PTPRR: variants seen among roughly 807,000 people sequenced by gnomAD.
The protein encoded by PTPRR is receptor-type tyrosine-protein phosphatase R.
PTPRR carries 38 observed loss-of-function variants against 77.2 expected under a neutral mutation model. The observed-to-expected ratio is 0.49, with a 90% CI of 0.38 to 0.65. PTPRR has a LOEUF of 0.65. PTPRR is among the 30% of genes least tolerant of loss of function. The pLI is 0.00. For missense variants in PTPRR, 744 were observed against 799.2 expected (o/e 0.93, Z 0.83); for synonymous variants, 299 against 283.1 (o/e 1.06, Z -0.57).
intron 2 of PTPRR, among the ~76,000 whole-genome samples, chr12:70,809,830 A>G (rs1891778311): frequency 6.6e-6 from 1 of 152,180 alleles, no homozygotes. Flanking sequence ...CACTAAATAA[A>G]CATTATGTAA....
Position 70,746,083 on chromosome 12 carries a change from G to T in PTPRR, c.742C>A (p.Leu248Ile), listed in dbSNP as rs779525997. The T allele has an allele frequency of 1.9e-6, 3 of 1,609,094 alleles. No homozygotes were observed. The highest frequency in any genetic ancestry group is 1.1e-5 in the South Asian group (1 of 90,662). Residue 248 changes from leucine (L) to isoleucine (I), a missense_variant, in exon 6 of 14, where the codon CTT becomes ATT. Physicochemically the swap from Leu to Ile is conservative, Grantham distance 5 (BLOSUM62 2). Around this residue, in one of 3 missense-constraint regions of PTPRR, gnomAD observed 570 missense variants for 573.2 expected, o/e 0.99. Coordinates refer to ENST00000283228, the MANE Select transcript of PTPRR (RefSeq NM_002849.4). The stretch of plus-strand genomic sequence containing the variant: ...TGAAATCTTTCTTTTAATCTGTAAA[G>T]AATCTATAGAAGGAGATATAAAAAA... The part of the protein sequence containing the change: ...FVIIVTCLMI[L>I]YRLKERFQLS...
At chr12:70,789,737 G>A (rs895168878) in intron 2 of PTPRR, among the ~76,000 whole-genome samples, 2 of 152,046 alleles carry the variant, frequency 1.3e-5, no homozygotes, top group African/African-American at 4.8e-5. Context: ...ATGAATTATG[G>A]ACTCAAGTTA....
At chr12:70,919,376 A>C (rs75677358) in intron 1 of PTPRR, among the ~76,000 whole-genome samples, 1 of 152,138 alleles carries the variant, frequency 6.6e-6, no homozygotes, top group African/African-American at 2.4e-5. Context: ...GGTTTCTAAA[A>C]TCTCCCTGCC....
chr12:70,754,448 A>G, intron 4 of PTPRR, 147 bp from the exon 5 acceptor site: 8 of 1,566,060 alleles, frequency 5.1e-6, no homozygotes, highest in Non-Finnish European at 6.9e-6. Context: ...TGCTTCTCAA[A>G]CTGATCTAAG....
At chr12:70,899,148 G>T (rs1185478289) in intron 1 of PTPRR, among the ~76,000 whole-genome samples, 1 of 151,194 alleles carries the variant, frequency 6.6e-6, no homozygotes, top group Non-Finnish European at 1.5e-5. Context: ...AACACTTAAA[G>T]AAAAAATAAC....
At chr12:70,865,482 A>C (rs1892827939) in intron 2 of PTPRR, among the ~76,000 whole-genome samples, 1 of 152,152 alleles carries the variant, frequency 6.6e-6, no homozygotes, top group Admixed American at 6.6e-5. Context: ...GGATACTAAA[A>C]TGATGATGAG....
chr12:70,715,703 G>A (rs1788939806), intron 6 of PTPRR, among the ~76,000 whole-genome samples: 1 of 152,194 alleles, frequency 6.6e-6, no homozygotes, highest in African/African-American at 2.4e-5. Flanking sequence ...ATATGGCTCT[G>A]CTCCGCCCGG....
chr12:70,841,449 G>A (rs959847074), intron 2 of PTPRR, among the ~76,000 whole-genome samples: 24 of 151,952 alleles, frequency 1.6e-4, no homozygotes, highest in African/African-American at 5.8e-4. Context: ...ACTCTGTTGA[G>A]TGATTTTCCA....
intron 6 of PTPRR, among the ~76,000 whole-genome samples, chr12:70,712,766 A>G (rs949965274): frequency 1.3e-5 from 2 of 152,044 alleles, no homozygotes; most frequent in African/African-American, 4.8e-5. Context: ...TGCTTTAACC[A>G]AATCAAACAA....
At chr12:70,792,428 T>C (rs547218459) in intron 2 of PTPRR, among the ~76,000 whole-genome samples, 19 of 152,286 alleles carry the variant, frequency 1.2e-4, no homozygotes, top group African/African-American at 4.6e-4. Flanking sequence ...GTTGGACCCA[T>C]TCTGCTTAGT....
intron 2 of PTPRR, among the ~76,000 whole-genome samples, chr12:70,826,587 A>C (rs943616755): frequency 3.9e-5 from 6 of 152,210 alleles, no homozygotes; most frequent in Non-Finnish European, 8.8e-5. Context: ...AAACAGTTCT[A>C]ATCTAAAATA....
intron 1 of PTPRR, among the ~76,000 whole-genome samples, chr12:70,898,161 T>A (rs1592822451): frequency 6.7e-6 from 1 of 148,616 alleles, no homozygotes; most frequent in Non-Finnish European, 1.5e-5. Flanking sequence ...ATAATAATAA[T>A]AAAAAAAGAG....
intron 2 of PTPRR, among the ~76,000 whole-genome samples, chr12:70,863,413 C>A (rs768464807): frequency 7.2e-5 from 11 of 152,062 alleles, no homozygotes; most frequent in Non-Finnish European, 1.3e-4. Flanking sequence ...GCATGACTGT[C>A]CTACTTTTAT....
At chr12:70,704,661 C>T (rs1888552521) in intron 6 of PTPRR, among the ~76,000 whole-genome samples, 1 of 151,860 alleles carries the variant, frequency 6.6e-6, no homozygotes, top group South Asian at 2.1e-4. Flanking sequence ...TGCTAACTGA[C>T]TTAAATAATA....
At chr12:70,763,404 T>A (rs1056306843) in intron 3 of PTPRR, among the ~76,000 whole-genome samples, 1 of 152,186 alleles carries the variant, frequency 6.6e-6, no homozygotes, top group Non-Finnish European at 1.5e-5. Flanking sequence ...AGTTCTGGGA[T>A]TACAGGCGTG....
intron 6 of PTPRR, among the ~76,000 whole-genome samples, chr12:70,740,899 C>T (rs1890024835): frequency 5.9e-5 from 9 of 151,622 alleles, no homozygotes; most frequent in Admixed American, 4.6e-4. Context: ...TTAGAACACA[C>T]ATATATATAT....
At chr12:70,676,568 AATTTT>A (rs1566061208) in intron 10 of PTPRR, among the ~76,000 whole-genome samples, 1 of 151,846 alleles carries the variant, frequency 6.6e-6, no homozygotes, top group African/African-American at 2.4e-5. Context: ...AGAGTTTTTT[AATTTT>A]ATTTTAATTG....
chr12:70,640,951 G>A (rs1885975088), intron 13 of PTPRR, among the ~76,000 whole-genome samples: 1 of 152,142 alleles, frequency 6.6e-6, no homozygotes, highest in East Asian at 1.9e-4. Context: ...GTATTTAATT[G>A]GTCTTCCTCC....
chr12:70,784,130 G>T (rs1208502971), intron 2 of PTPRR, among the ~76,000 whole-genome samples: 1 of 152,154 alleles, frequency 6.6e-6, no homozygotes, highest in East Asian at 1.9e-4. Context: ...GGAGCGGGAG[G>T]CCTAGATCCG....
Sources: allele counts gnomAD v4.1 joint callset (sites outside exome capture counted in the v4.1 genomes callset), GRCh38; gene constraint gnomAD v4.1.1; regional missense constraint gnomAD v4.1.1; transcripts MANE v1.5; gene names NCBI Gene and HGNC (gene_info 2026-07-23, HGNC 2026-07-21).